The following BNC2 variants were observed in gnomAD, a reference collection of about 807,000 sequenced individuals.
BNC2 encodes basonuclin zinc finger protein 2, also known as zinc finger protein basonuclin-2.
A neutral mutation model predicts 76.3 loss-of-function variants in BNC2; 20 were observed. The observed-to-expected ratio is 0.26, with a 90% CI of 0.18 to 0.38. The LOEUF (loss-of-function observed/expected upper bound fraction) is 0.38, where lower values mean the gene tolerates loss of function less well. Among genes scored for constraint, BNC2 ranks in the 10% least tolerant of loss-of-function variants. The pLI, the probability that BNC2 is intolerant of heterozygous loss-of-function variation, is 1.00. For synonymous variants in BNC2, 582 were observed against 514.8 expected, an observed-to-expected ratio of 1.13 and a Z score of -1.77; for missense variants, 1,382 against 1,399.8, an observed-to-expected ratio of 0.99 and a Z score of 0.20.
rs80023160 is a variant in BNC2 at position 16,849,649 on chromosome 9, G to A, written c.3+20997C>T. 5.0e-3 allele frequency among the ~76,000 whole-genome samples: 760 copies of A among 152,102 alleles called. 3 individuals carry two copies. Among genetic ancestry groups the A allele is most frequent in the Non-Finnish European group, 8.1e-3 (553 of 67,992 alleles). On this transcript the variant is annotated intron_variant, in intron 1 of 6. Coordinates refer to ENST00000380672, the MANE Select transcript of BNC2 (RefSeq NM_017637.6). Reference sequence around the variant, plus strand: ...GCTGGGACTATAGGCGTGAGCCACCGCACCTGACCCCATGCAAAATTTGCA... The same window carrying A: ...GCTGGGACTATAGGCGTGAGCCACCACACCTGACCCCATGCAAAATTTGCA...
intron 4 of BNC2, among the ~76,000 whole-genome samples, chr9:16,560,995 T>C (rs947809164): frequency 5.3e-5 from 8 of 151,948 alleles, no homozygotes; most frequent in African/African-American, 1.9e-4. Context: ...CCCAGCACTT[T>C]GGGAGGCCCA....
chr9:16,479,903 T>A (rs1822010368), intron 5 of BNC2, among the ~76,000 whole-genome samples: 2 of 152,210 alleles, frequency 1.3e-5, no homozygotes, highest in South Asian at 4.1e-4. Context: ...TTTGACAGTT[T>A]CCAAATGTTT....
intron 5 of BNC2, among the ~76,000 whole-genome samples, chr9:16,464,369 T>C (rs1245555358): frequency 6.6e-6 from 1 of 152,042 alleles, no homozygotes; most frequent in Non-Finnish European, 1.5e-5. Flanking sequence ...ATTACCCATA[T>C]TATTTTTTAA....
chr9:16,672,779 C>T (rs937787882), intron 3 of BNC2, among the ~76,000 whole-genome samples: 1 of 152,156 alleles, frequency 6.6e-6, no homozygotes, highest in Non-Finnish European at 1.5e-5. Context: ...TGGACACTGT[C>T]GCCAAATTCT....
chr9:16,735,741 T>A (rs915283143), intron 2 of BNC2, among the ~76,000 whole-genome samples: 2 of 151,816 alleles, frequency 1.3e-5, no homozygotes, highest in Non-Finnish European at 2.9e-5. Flanking sequence ...CTGGCCTCAA[T>A]TGATCTGCCC....
intron 4 of BNC2, 129 bp from the exon 5 acceptor site, chr9:16,552,894 T>C (rs1818709341): frequency 5.5e-6 from 4 of 722,796 alleles, no homozygotes; most frequent in Non-Finnish European, 9.7e-6. Flanking sequence ...TCGCCATAGG[T>C]GTTTAAGCAA....
intron 5 of BNC2, chr9:16,475,898 C>G (rs1821918429): frequency 6.6e-6 from 1 of 152,198 alleles, no homozygotes; most frequent in Non-Finnish European, 1.5e-5. Context: ...ACCATAAATC[C>G]TTTTGATGCA....
At chr9:16,821,098 T>G (rs1818318063) in intron 1 of BNC2, among the ~76,000 whole-genome samples, 2 of 151,786 alleles carry the variant, frequency 1.3e-5, no homozygotes, top group African/African-American at 4.8e-5. Context: ...CCAGGTGTGG[T>G]GGCACGCACC....
At position 16,762,575 on chromosome 9, in the gene BNC2, G is replaced by A. The variant is rs7863584; in HGVS notation, c.4-24090C>T. On this transcript the variant is annotated intron_variant, in intron 1 of 6. Transcript: ENST00000380672. ...AACAGCAGTTCCCAGGAAATAACAC[G>A]AAGTAGACTACAGCTACCCCATTTG... Among the ~76,000 whole-genome samples the A allele has an allele frequency of 4.4e-3, 668 of 152,232 alleles. 2 individuals carry two copies. The highest frequency in any genetic ancestry group is 0.015 in the African/African-American group (631 of 41,544).
intron 1 of BNC2, among the ~76,000 whole-genome samples, chr9:16,783,573 G>A: frequency 6.6e-6 from 1 of 152,322 alleles, no homozygotes; most frequent in South Asian, 2.1e-4. Context: ...ATTTAGGACA[G>A]TTTTAATATT....
chr9:16,503,030 A>G (rs1822553072), intron 5 of BNC2, among the ~76,000 whole-genome samples: 1 of 152,226 alleles, frequency 6.6e-6, no homozygotes, highest in South Asian at 2.1e-4. Flanking sequence ...AAATGAATTC[A>G]TGACAGTTAA....
Position 16,677,574 on chromosome 9 carries a change from AACAAAC to A in BNC2, c.330+50217_330+50222del, listed in dbSNP as rs926327054. 4.2e-4 allele frequency among the ~76,000 whole-genome samples: 18 copies of A among 42,714 alleles called. No individual in the cohort carries two copies. The African/African-American group carries it at 6.4e-3, about 15-fold the overall frequency. The allele number at this position is 42,714 out of a possible 152,430, so 28.0% of individuals were successfully genotyped here. Reference sequence around the variant, plus strand: ...GGGGACAAAGCTAGACTTTGTCTCAAACAAACACACACACACACACACACACACACA... The same window carrying A: ...GGGGACAAAGCTAGACTTTGTCTCAAACACACACACACACACACACACACA... On this transcript the variant is annotated intron_variant, in intron 3 of 6. Transcript: ENST00000380672.
intron 1 of BNC2, among the ~76,000 whole-genome samples, chr9:16,777,260 C>T (rs1325737977): frequency 6.6e-6 from 1 of 152,076 alleles, no homozygotes; most frequent in Non-Finnish European, 1.5e-5. Flanking sequence ...GGTATGAACA[C>T]ATTAGAAAAC....
At chr9:16,614,802 A>G (rs1820649503) in intron 3 of BNC2, among the ~76,000 whole-genome samples, 1 of 151,854 alleles carries the variant, frequency 6.6e-6, no homozygotes, top group African/African-American at 2.4e-5. Context: ...AAAAATAAAA[A>G]TAAAATAGCT....
At chr9:16,667,649 A>G (rs1264536792) in intron 3 of BNC2, among the ~76,000 whole-genome samples, 3 of 152,226 alleles carry the variant, frequency 2.0e-5, no homozygotes, top group African/African-American at 4.8e-5. Context: ...TTATTTAGAT[A>G]TAATCAAACA....
intron 3 of BNC2, among the ~76,000 whole-genome samples, chr9:16,634,307 T>C (rs747345674): frequency 1.5e-4 from 23 of 152,188 alleles, no homozygotes; most frequent in Admixed American, 7.9e-4. Context: ...TTGTCCGCTA[T>C]TTAAAACATT....
intron 1 of BNC2, among the ~76,000 whole-genome samples, chr9:16,819,762 G>C (rs192174281): frequency 1.3e-5 from 2 of 152,050 alleles, no homozygotes; most frequent in Admixed American, 1.3e-4. Flanking sequence ...CCCATACCAA[G>C]CACTCTGAAA....
intron 1 of BNC2, among the ~76,000 whole-genome samples, chr9:16,786,346 T>C: frequency 6.6e-6 from 1 of 152,012 alleles, no homozygotes; most frequent in African/African-American, 2.4e-5. Flanking sequence ...CATGGTGCAT[T>C]AATATTCAAC....
chr9:16,525,263 A>G (rs556539065), intron 5 of BNC2, among the ~76,000 whole-genome samples: 2 of 152,336 alleles, frequency 1.3e-5, no homozygotes, highest in East Asian at 3.9e-4. Context: ...TTAAAAAAAG[A>G]AAACCAACTA....
Sources: allele counts gnomAD v4.1 joint callset (sites outside exome capture counted in the v4.1 genomes callset), GRCh38; gene constraint gnomAD v4.1.1; transcripts MANE v1.5; gene names NCBI Gene and HGNC (gene_info 2026-07-23, HGNC 2026-07-21).